The following PAX5 variants were observed in gnomAD, a reference collection of about 807,000 sequenced individuals.
PAX5 encodes the protein paired box protein Pax-5.
In PAX5, 9 loss-of-function variants were observed where a neutral mutation model predicts 43.7. The observed-to-expected ratio is 0.21, with a 90% CI of 0.12 to 0.36. The LOEUF (loss-of-function observed/expected upper bound fraction) is 0.36, where lower values mean the gene tolerates loss of function less well. Ranked by LOEUF, PAX5 falls within the 10% of genes least tolerant of loss-of-function variation. The pLI, the probability that PAX5 is intolerant of heterozygous loss-of-function variation, is 1.00. For missense variants in PAX5, 383 were observed against 532.7 expected, an observed-to-expected ratio of 0.72 and a Z score of 2.77; for synonymous variants, 228 against 214.3, an observed-to-expected ratio of 1.06 and a Z score of -0.56.
At chr9:36,899,681 G>C (rs748824803) in intron 7 of PAX5, among the ~76,000 whole-genome samples, 6 of 152,028 alleles carry the variant, frequency 3.9e-5, no homozygotes, top group Admixed American at 3.9e-4. Context: ...GGTTGGGGCC[G>C]GGCCACCAGG....
chr9:37,032,146 T>C (rs562509679), intron 1 of PAX5, among the ~76,000 whole-genome samples: 39 of 152,242 alleles, frequency 2.6e-4, no homozygotes, highest in Admixed American at 6.5e-4. Context: ...AGCCTAGGGC[T>C]CCCGTATCTC....
At chr9:36,981,752 C>T (rs1262491454) in intron 5 of PAX5, among the ~76,000 whole-genome samples, 4 of 152,252 alleles carry the variant, frequency 2.6e-5, no homozygotes, top group Admixed American at 2.6e-4. Context: ...GCACAGAGAG[C>T]AAGCTCTGGC....
intron 8 of PAX5, among the ~76,000 whole-genome samples, chr9:36,871,263 C>T (rs4284114): frequency 1 from 152,369 of 152,372 alleles, 76,183 homozygotes; most frequent in Non-Finnish European, 1. Flanking sequence ...GTCCAGTCCT[C>T]GGCGTTTATC....
intron 9 of PAX5, among the ~76,000 whole-genome samples, chr9:36,842,777 G>A (rs922518778): frequency 1.3e-5 from 2 of 152,116 alleles, no homozygotes; most frequent in Non-Finnish European, 2.9e-5. Context: ...CTTCCTGCCG[G>A]GACCGCAGCC....
chr9:36,935,557 C>T (rs1284704424), intron 6 of PAX5, among the ~76,000 whole-genome samples: 2 of 152,168 alleles, frequency 1.3e-5, no homozygotes, highest in African/African-American at 4.8e-5. Context: ...CAGGGGAAGC[C>T]CAGGGAGGCC....
rs542249034 is a variant in PAX5 at position 36,990,112 on chromosome 9, G to A, written c.604+12536C>T. Among the ~76,000 whole-genome samples the A allele has an allele frequency of 7.9e-5, 12 of 152,298 alleles. No individual in the cohort carries two copies. In the South Asian group the frequency reaches 2.5e-3, roughly 32 times the overall value. ...GGTAAACAGTAGGGTGAGGGAGGAA[G>A]ACAGTTTTTCAAGCAGTGGGAAGAG... On this transcript the variant is annotated intron_variant, in intron 5 of 9. Coordinates refer to ENST00000358127, the MANE Select transcript of PAX5 (RefSeq NM_016734.3).
At chr9:36,903,761 GTCAACCCACTACCCT>G (rs1209900028) in intron 7 of PAX5, among the ~76,000 whole-genome samples, 1 of 152,194 alleles carries the variant, frequency 6.6e-6, no homozygotes, top group Non-Finnish European at 1.5e-5. Context: ...TCAGGGGTGA[GTCAACCCACTACCCT>G]TCAATCAGAT....
intron 8 of PAX5, among the ~76,000 whole-genome samples, chr9:36,856,873 C>A (rs1212898780): frequency 6.6e-6 from 1 of 152,190 alleles, no homozygotes; most frequent in Non-Finnish European, 1.5e-5. Flanking sequence ...GTCCTTAGCA[C>A]CTTTTCTCTG....
At chr9:37,010,592 G>C (rs1465707274) in intron 3 of PAX5, among the ~76,000 whole-genome samples, 1 of 152,126 alleles carries the variant, frequency 6.6e-6, no homozygotes, top group African/African-American at 2.4e-5. Context: ...TCTTTGAAAG[G>C]CTAGGCTTCT....
chr9:36,846,766 G>A, intron 9 of PAX5, 77 bp downstream of exon 9: 1 of 1,019,090 alleles, frequency 9.8e-7, no homozygotes, highest in Non-Finnish European at 1.5e-6. Flanking sequence ...GGATGTCGAG[G>A]GACCCAGGCC....
chr9:37,013,868 T>C (rs1256501177), intron 3 of PAX5, among the ~76,000 whole-genome samples: 1 of 152,202 alleles, frequency 6.6e-6, no homozygotes, highest in Non-Finnish European at 1.5e-5. Context: ...TGTGAACACA[T>C]GCACTCCCAC....
In PAX5 at chr9:37,020,629, C is replaced by G; in HGVS notation, c.212+7G>C. The G allele has an allele frequency of 6.2e-7, 1 of 1,614,144 alleles. No individual in the cohort carries two copies. The highest frequency in any genetic ancestry group is 8.5e-7 in the Non-Finnish European group (1 of 1,179,984). On this transcript the variant is annotated splice_region_variant and intron_variant, in intron 2 of 9. Coordinates refer to ENST00000358127, the MANE Select transcript of PAX5 (RefSeq NM_016734.3). Reference sequence around the variant, plus strand: ...GATCAAGGGAAGCCTCGAGCTACTGCCTTTACCTGCCAAGAATTTTGCTGA... The same window carrying G: ...GATCAAGGGAAGCCTCGAGCTACTGGCTTTACCTGCCAAGAATTTTGCTGA...
chr9:37,027,592 T>TG (rs1424074294), intron 1 of PAX5, among the ~76,000 whole-genome samples: 1 of 152,060 alleles, frequency 6.6e-6, no homozygotes, highest in African/African-American at 2.4e-5. Context: ...CAGTCGGCTC[T>TG]GACTGCCTGC....
At chr9:36,960,539 T>C (rs1172102870) in intron 6 of PAX5, among the ~76,000 whole-genome samples, 8 of 152,238 alleles carry the variant, frequency 5.3e-5, no homozygotes, top group Admixed American at 3.3e-4. Flanking sequence ...GGAACTCTTA[T>C]AGGAGGTAGG....
chr9:37,013,513 T>C (rs945228919), intron 3 of PAX5, among the ~76,000 whole-genome samples: 20 of 152,176 alleles, frequency 1.3e-4, no homozygotes, highest in African/African-American at 4.8e-4. Context: ...CTGCCTGTCA[T>C]GTTGTTTTGT....
chr9:36,840,102 C>T lies in PAX5; in HGVS notation c.*458G>A, dbSNP rs572758663. 3.3e-5 allele frequency: 11 copies of T among 337,556 alleles called. No homozygotes were observed. In the East Asian group the frequency reaches 4.6e-4, roughly 14 times the overall value. 20.9% of individuals were successfully genotyped at this position (337,556 alleles called of 1,614,324 possible). A position where few individuals can be genotyped will look rare whatever the true frequency, so the allele number is the denominator to read the frequency against. On this transcript the variant is annotated 3_prime_UTR_variant, in exon 10 of 10. Coordinates refer to ENST00000358127, the MANE Select transcript of PAX5 (RefSeq NM_016734.3). ...GATGTCCGGTGATGCACCAAGAGTG[C>T]GAGATGCATCATGGGTGGAGCAGTC...
intron 6 of PAX5, among the ~76,000 whole-genome samples, chr9:36,924,734 T>G (rs1239490152): frequency 1.5e-4 from 9 of 61,302 alleles, no homozygotes; most frequent in African/African-American, 2.4e-4. Flanking sequence ...AAGAAAGAGG[T>G]GGAAGGAAGG....
At chr9:36,975,531 G>A (rs1299075948) in intron 5 of PAX5, among the ~76,000 whole-genome samples, 1 of 151,632 alleles carries the variant, frequency 6.6e-6, no homozygotes, top group Non-Finnish European at 1.5e-5. Context: ...GACTACAGGC[G>A]CCCGCCACTA....
chr9:37,033,245 A>G (rs146418068), intron 1 of PAX5, among the ~76,000 whole-genome samples: 2 of 152,202 alleles, frequency 1.3e-5, no homozygotes, highest in Admixed American at 1.3e-4. Context: ...CCTATCTCCC[A>G]ATAGAATGGA....
Sources: allele counts gnomAD v4.1 joint callset (sites outside exome capture counted in the v4.1 genomes callset), GRCh38; gene constraint gnomAD v4.1.1; transcripts MANE v1.5; gene names NCBI Gene and HGNC (gene_info 2026-07-23, HGNC 2026-07-21).